KRT71: variants seen among roughly 807,000 people sequenced by gnomAD.
KRT71 encodes the protein keratin 71.
KRT71 carries 42 observed loss-of-function variants against 46.2 expected under a neutral mutation model. That is an observed-to-expected ratio of 0.91 (90% CI 0.71 to 1.18). KRT71 has a LOEUF of 1.18. KRT71 is among the 50% of genes most tolerant of loss of function. The probability of loss-of-function intolerance (pLI) is 0.00; values close to 1 mark genes in which losing one functional copy is unlikely to be tolerated. For synonymous variants in KRT71, 292 were observed against 277.8 expected, an observed-to-expected ratio of 1.05 and a Z score of -0.51; for missense variants, 708 against 677.9, an observed-to-expected ratio of 1.04 and a Z score of -0.49.
rs866870088 is a variant in KRT71 at position 52,546,411 on chromosome 12, G to A, written c.1200C>T (p.Ala400=). Residue 400 remains alanine, a synonymous_variant, in exon 7 of 9, where the codon GCC becomes GCT. Coordinates refer to ENST00000267119, the MANE Select transcript of KRT71 (RefSeq NM_033448.3). ...ARAKLDELEG[A]LHQAKEELAR... The stretch of plus-strand genomic sequence containing the variant: ...CCAGCTCCTCCTTGGCCTGGTGCAG[G>A]GCGCCCTCCAGCTCGTCCAGCTTGG... The A allele has an allele frequency of 6.2e-7, 1 of 1,614,158 alleles. No homozygotes were observed. The highest frequency in any genetic ancestry group is 8.5e-7 in the Non-Finnish European group (1 of 1,180,028).
intron 8 of KRT71, 109 bp from the exon 9 acceptor site, chr12:52,544,852 C>T (rs886443733): frequency 1.4e-5 from 12 of 832,990 alleles, no homozygotes; most frequent in Non-Finnish European, 3.9e-6. Flanking sequence ...GGGAGGTGCA[C>T]ACCCGCTCCC....
At chr12:52,547,209 C>A (rs1224492987) in intron 6 of KRT71, among the ~76,000 whole-genome samples, 1 of 152,198 alleles carries the variant, frequency 6.6e-6, no homozygotes, top group Non-Finnish European at 1.5e-5. Context: ...TCAGTTTCCT[C>A]ATCTGTAACA....
At chr12:52,547,341 G>A (rs1026108355) in intron 6 of KRT71, among the ~76,000 whole-genome samples, 9 of 152,206 alleles carry the variant, frequency 5.9e-5, no homozygotes, top group Non-Finnish European at 4.4e-5. Flanking sequence ...AGCCGAGGCT[G>A]CATCCTATAT....
In KRT71 at chr12:52,546,379, A is replaced by C; in HGVS notation, c.1232T>G (p.Met411Arg). 6.2e-7 allele frequency: 1 copy of C among 1,614,204 alleles called. No homozygotes were observed. The highest frequency in any genetic ancestry group is 8.5e-7 in the Non-Finnish European group (1 of 1,180,030). Reference sequence around the variant, plus strand: ...CATGAGCTCCTGGTACTCGCGCAGCATCCGCGCCAGCTCCTCCTTGGCCTG... The same window carrying C: ...CATGAGCTCCTGGTACTCGCGCAGCCTCCGCGCCAGCTCCTCCTTGGCCTG... ...LHQAKEELAR[M>R]LREYQELMSL... Residue 411 changes from methionine to arginine, a missense_variant, in exon 7 of 9, where the codon ATG becomes AGG. By Grantham distance (91) the Met-to-Arg change is moderately conservative (BLOSUM62 -1). Coordinates refer to ENST00000267119, the MANE Select transcript of KRT71 (RefSeq NM_033448.3).
chr12:52,552,264 G>C (rs1939184902), intron 1 of KRT71, among the ~76,000 whole-genome samples: 1 of 152,242 alleles, frequency 6.6e-6, no homozygotes, highest in Admixed American at 6.5e-5. Context: ...CAGTGGGCAG[G>C]GCAGCATGCC....
Position 52,550,257 on chromosome 12 carries a change from C to T in KRT71, c.442-14G>A. The T allele has an allele frequency of 1.9e-6, 3 of 1,613,842 alleles. No homozygotes were observed. The highest frequency in any genetic ancestry group is 2.5e-6 in the Non-Finnish European group (3 of 1,179,980). ...CAGGAACCGCACCTGGAACCCAGATCCCAGAAACTGCTGAACCCTTGCAGT... is the reference window on the plus strand; with the variant it reads ...CAGGAACCGCACCTGGAACCCAGATTCCAGAAACTGCTGAACCCTTGCAGT... On this transcript the variant is annotated splice_polypyrimidine_tract_variant and intron_variant, in intron 1 of 8. Transcript: ENST00000267119.
chr12:52,549,323 T>G lies in KRT71; in HGVS notation c.687A>C (p.Ala229=). Reference sequence around the variant, plus strand: ...TGAGCAGCACAAACTCGTTCTCTGCTGCTGTCCGCTTGTTGATTTCCTCCT... The same window carrying G: ...TGAGCAGCACAAACTCGTTCTCTGCGGCTGTCCGCTTGTTGATTTCCTCCT... ...RYEEEINKRT[A]AENEFVLLKK... is the part of the protein sequence containing the mutation. Residue 229 remains alanine (A), a synonymous_variant, in exon 3 of 9, where the codon GCA becomes GCC. Transcript: ENST00000267119. 4 of 1,614,068 alleles carry G rather than the reference T, an allele frequency of 2.5e-6. No individual in the cohort carries two copies. Among genetic ancestry groups the G allele is most frequent in the Non-Finnish European group, 3.4e-6 (4 of 1,179,918 alleles).
chr12:52,553,041 C>A lies in KRT71; in HGVS notation c.37G>T (p.Ala13Ser). Residue 13 changes from alanine to serine, a missense_variant, in exon 1 of 9, where the codon GCC becomes TCC. By Grantham distance (99) the Ala-to-Ser change is moderately conservative (BLOSUM62 1). Transcript: ENST00000267119. ...RQFTCKSGAAAKGGFSGCSAV... is the reference protein window; with the variant it reads ...RQFTCKSGAASKGGFSGCSAV... ...GAGCAGCCACTGAAGCCCCCCTTGG[C>A]GGCAGCTCCCGACTTGCAGGTGAAT... The A allele has an allele frequency of 6.3e-7, 1 of 1,595,514 alleles. No individual in the cohort carries two copies. Among genetic ancestry groups the A allele is most frequent in the Admixed American group, 1.7e-5 (1 of 58,120 alleles).
chr12:52,552,510 C>T (rs1165400057), intron 1 of KRT71, 127 bp downstream of exon 1: 1 of 964,244 alleles, frequency 1.0e-6, no homozygotes, highest in Non-Finnish European at 1.6e-6. Flanking sequence ...ATGGGATGTA[C>T]CTACCTTGTC....
At chr12:52,552,535 C>T in intron 1 of KRT71, 102 bp downstream of exon 1, 2 of 1,229,618 alleles carry the variant, frequency 1.6e-6, no homozygotes, top group South Asian at 1.5e-5. Flanking sequence ...GTAAAGTCTT[C>T]CTCACATCTA....
At chr12:52,548,459 C>A (rs563876955) in intron 4 of KRT71, 143 bp from the exon 5 acceptor site, 4 of 1,014,454 alleles carry the variant, frequency 3.9e-6, no homozygotes, top group Non-Finnish European at 5.7e-6. Context: ...GTGTGCTTTG[C>A]GGCAAAGCAA....
intron 3 of KRT71, 84 bp downstream of exon 3, chr12:52,549,209 G>T (rs1202010060): frequency 4.0e-6 from 4 of 991,372 alleles, no homozygotes; most frequent in South Asian, 1.3e-5. Flanking sequence ...TCACCTTGAG[G>T]GGGGCTAACA....
chr12:52,546,389 G>C lies in KRT71; in HGVS notation c.1222C>G (p.Leu408Val), dbSNP rs1565600832. 1 of 1,614,234 alleles carries C rather than the reference G, an allele frequency of 6.2e-7. No individual in the cohort carries two copies. Among genetic ancestry groups the C allele is most frequent in the East Asian group, 2.2e-5 (1 of 44,874 alleles). ...TGGTACTCGCGCAGCATCCGCGCCAGCTCCTCCTTGGCCTGGTGCAGGGCG... is the reference window on the plus strand; with the variant it reads ...TGGTACTCGCGCAGCATCCGCGCCACCTCCTCCTTGGCCTGGTGCAGGGCG... ...EGALHQAKEE[L>V]ARMLREYQEL... Residue 408 changes from leucine to valine, a missense_variant, in exon 7 of 9, where the codon CTG (leucine) becomes GTG (valine). By Grantham distance (32) the Leu-to-Val change is conservative. Transcript: ENST00000267119.
intron 2 of KRT71, among the ~76,000 whole-genome samples, 177 bp downstream of exon 2, chr12:52,549,852 C>T (rs1016130219): frequency 6.6e-6 from 1 of 152,144 alleles, no homozygotes; most frequent in African/African-American, 2.4e-5. Context: ...AGAGTCAGGC[C>T]AGAGGCTGGA....
At chr12:52,544,844 G>T in intron 8 of KRT71, 101 bp from the exon 9 acceptor site, 1 of 947,184 alleles carries the variant, frequency 1.1e-6, no homozygotes, top group South Asian at 1.5e-5. Flanking sequence ...GCTGAGTGGG[G>T]AGGTGCACAC....
intron 2 of KRT71, 130 bp from the exon 3 acceptor site, chr12:52,549,483 G>T: frequency 1.4e-6 from 1 of 728,820 alleles, no homozygotes. Flanking sequence ...GTACTGGGCA[G>T]GGGTAAGTGG....
chr12:52,549,898 G>T, intron 2 of KRT71, 131 bp downstream of exon 2: 1 of 1,029,158 alleles, frequency 9.7e-7, no homozygotes, highest in Non-Finnish European at 1.4e-6. Context: ...TTGTTGGGGT[G>T]ATTCTGCTTG....
rs568453023 is a variant in KRT71, at chr12:52,553,013, G to A, written c.65C>T (p.Ala22Val). ...GGATGAGCTGCCCCCTGAGAGCACA[G>A]CTGAGCAGCCACTGAAGCCCCCCTT... ...AAKGGFSGCS[A>V]VLSGGSSSSF... The change falls in exon 1 of 9, where the codon GCT (alanine) becomes GTT (valine). Residue 22 changes from alanine (A) to valine (V), a missense_variant. By Grantham distance (64) the Ala-to-Val change is moderately conservative. Transcript: ENST00000267119. The A allele has an allele frequency of 6.2e-7, 1 of 1,610,762 alleles. No homozygotes were observed. Among genetic ancestry groups the A allele is most frequent in the Non-Finnish European group, 8.5e-7 (1 of 1,178,082 alleles).
intron 1 of KRT71, among the ~76,000 whole-genome samples, chr12:52,551,241 A>T (rs999182760): frequency 5.9e-5 from 9 of 152,168 alleles, no homozygotes; most frequent in Admixed American, 2.0e-4. Context: ...TAAGGGACTG[A>T]TCTCTGGAGA....
Sources: allele counts gnomAD v4.1 joint callset (sites outside exome capture counted in the v4.1 genomes callset), GRCh38; gene constraint gnomAD v4.1.1; transcripts MANE v1.5; gene names NCBI Gene and HGNC (gene_info 2026-07-23, HGNC 2026-07-21).